C10orf105: variants seen among roughly 807,000 people sequenced by gnomAD.
The protein encoded by C10orf105 is uncharacterized protein C10orf105.
In C10orf105, 2 loss-of-function variants were observed where a neutral mutation model predicts 0.6. The ratio of observed to expected loss-of-function variants is 3.18; its 90% CI spans 1.30 to 10.01. C10orf105 has a LOEUF of 10.01. C10orf105 is among the 30% of genes most tolerant of loss of function. C10orf105 has a pLI of 0.04. For missense variants in C10orf105, 209 were observed against 191.4 expected (o/e 1.09, Z -0.54); for synonymous variants, 95 against 82.4 (o/e 1.15, Z -0.83).
chr10:71,728,700 C>T (rs765265292), intron 1 of C10orf105, among the ~76,000 whole-genome samples: 1 of 152,168 alleles, frequency 6.6e-6, no homozygotes, highest in African/African-American at 2.4e-5. Context: ...AAGTTCCTAC[C>T]GGCCCCAGCT....
At chr10:71,734,743 A>C (rs1589384822) in intron 1 of C10orf105, 1 of 877,922 alleles carries the variant, frequency 1.1e-6, no homozygotes, top group Non-Finnish European at 1.7e-6. Context: ...GGACCTTCCC[A>C]CCTCTCCCAG....
chr10:71,725,255 C>T lies in C10orf105; in HGVS notation c.-5-8913G>A, dbSNP rs559393485. ...TGTGAATTCTGTGTCCCAGAAGACC[C>T]GCAGCCTCCTCACAAGGAGGGGACT... On this transcript the variant is annotated intron_variant, in intron 1 of 1. Coordinates refer to the C10orf105 transcript ENST00000398786. The T allele has an allele frequency of 2.2e-4, 336 of 1,517,722 alleles. 1 individual carries two copies. The African/African-American group carries it at 2.8e-3, about 13-fold the overall frequency. The allele number at this position is 1,517,722 out of a possible 1,614,324, so 94.0% of individuals were successfully genotyped here.
chr10:71,736,796 T>C (rs1393394457), intron 1 of C10orf105, among the ~76,000 whole-genome samples: 1 of 152,170 alleles, frequency 6.6e-6, no homozygotes, highest in Non-Finnish European at 1.5e-5. Context: ...TTCCTAAGTG[T>C]ACGATACAGT....
At chr10:71,732,765 A>G in intron 1 of C10orf105, 1 of 1,041,696 alleles carries the variant, frequency 9.6e-7, no homozygotes, top group African/African-American at 1.6e-5. Flanking sequence ...TTTCACACCC[A>G]TCACAGATCC....
At chr10:71,737,155 G>A (rs1320914627) in intron 1 of C10orf105, among the ~76,000 whole-genome samples, 1 of 152,164 alleles carries the variant, frequency 6.6e-6, no homozygotes, top group East Asian at 1.9e-4. Flanking sequence ...GCGGACTGGG[G>A]CTCAGGGACC....
rs1050284083 is a variant in C10orf105, at chr10:71,715,905, G to A, written c.*31C>T. 6 of 1,444,466 alleles carry A rather than the reference G, an allele frequency of 4.2e-6. No individual in the cohort carries two copies. The African/African-American group carries it at 4.4e-5, about 10-fold the overall frequency. The allele number at this position is 1,444,466 out of a possible 1,614,324, so 89.5% of individuals were successfully genotyped here. On this transcript the variant is annotated 3_prime_UTR_variant, in exon 2 of 2. Transcript: ENST00000441508. The stretch of plus-strand genomic sequence containing the variant: ...AGGAGGATCTACAGGTAGACCTAGG[G>A]GGATGTGGGGGCATGTTTGTGGACA...
At chr10:71,731,896 C>G in intron 1 of C10orf105, 1 of 1,433,868 alleles carries the variant, frequency 7.0e-7, no homozygotes. Flanking sequence ...GGTGGGCCAC[C>G]CAGGGGGTAT....
intron 1 of C10orf105, chr10:71,725,486 A>G: frequency 1.2e-6 from 2 of 1,613,844 alleles, no homozygotes; most frequent in Non-Finnish European, 1.7e-6. Context: ...GAGGCCTACA[A>G]CCACGACCTG....
At chr10:71,735,609 A>G (rs1839541524) in intron 1 of C10orf105, among the ~76,000 whole-genome samples, 1 of 152,218 alleles carries the variant, frequency 6.6e-6, no homozygotes, top group African/African-American at 2.4e-5. Context: ...TTACAGCCAC[A>G]TTGCCACGCC....
intron 1 of C10orf105, among the ~76,000 whole-genome samples, chr10:71,731,607 C>T (rs1167361002): frequency 6.6e-5 from 10 of 152,194 alleles, no homozygotes; most frequent in African/African-American, 2.4e-5. Context: ...GCTTGGCCAT[C>T]TGTGAGGATG....
chr10:71,734,564 C>T lies in C10orf105; in HGVS notation c.-6+3164G>A, dbSNP rs376253669. 2.1e-4 allele frequency: 334 copies of T among 1,606,116 alleles called. 2 individuals are homozygous for T. In the African/African-American group the frequency reaches 3.8e-3, roughly 18 times the overall value. On this transcript the variant is annotated intron_variant, in intron 1 of 1. Transcript: ENST00000398786. ...AGGGTGGCACCTCCAGAGACACTGC[C>T]GGGAGTGGGGTCTGGAAGAGCCACA...
chr10:71,721,675 G>A (rs554930110), upstream of C10orf105, among the ~76,000 whole-genome samples: 15 of 152,212 alleles, frequency 9.9e-5, no homozygotes, highest in Admixed American at 2.0e-4. Context: ...CACACTTACC[G>A]CAGTGCCCGG....
At chr10:71,731,321 C>T (rs557486298) in intron 1 of C10orf105, among the ~76,000 whole-genome samples, 1 of 152,352 alleles carries the variant, frequency 6.6e-6, no homozygotes, top group Admixed American at 6.5e-5. Context: ...ACTCCTCTCT[C>T]AGCATCCTCA....
intron 1 of C10orf105, among the ~76,000 whole-genome samples, chr10:71,737,273 C>A (rs1261141364): frequency 6.6e-6 from 1 of 152,148 alleles, no homozygotes; most frequent in Non-Finnish European, 1.5e-5. Flanking sequence ...TAGGTGCCAC[C>A]CCTTCACTTT....
chr10:71,726,891 T>A (rs1475451485), intron 1 of C10orf105, among the ~76,000 whole-genome samples: 1 of 152,220 alleles, frequency 6.6e-6, no homozygotes, highest in Non-Finnish European at 1.5e-5. Flanking sequence ...GCATTGTGGC[T>A]GCAAACCTCC....
chr10:71,723,770 A>G (rs1866676431), upstream of C10orf105, among the ~76,000 whole-genome samples: 1 of 152,094 alleles, frequency 6.6e-6, no homozygotes, highest in South Asian at 2.1e-4. Flanking sequence ...GCCATCTTTC[A>G]CCTTCTCCCC....
At chr10:71,730,679 GA>G in intron 1 of C10orf105, 1 of 1,579,934 alleles carries the variant, frequency 6.3e-7, no homozygotes, top group Non-Finnish European at 8.6e-7. Flanking sequence ...CCCCTCCTTC[GA>G]AACGGTCATC....
At chr10:71,718,556 G>A (rs1039488027) in intron 1 of C10orf105, among the ~76,000 whole-genome samples, 2 of 152,248 alleles carry the variant, frequency 1.3e-5, no homozygotes, top group Admixed American at 1.3e-4. Context: ...GGGATGGGGT[G>A]TGCCCACCGC....
At chr10:71,725,255 C>A (rs559393485) in intron 1 of C10orf105, 1 of 1,517,718 alleles carries the variant, frequency 6.6e-7, no homozygotes, top group East Asian at 2.3e-5. Flanking sequence ...CCAGAAGACC[C>A]GCAGCCTCCT....
Sources: allele counts gnomAD v4.1 joint callset (sites outside exome capture counted in the v4.1 genomes callset), GRCh38; gene constraint gnomAD v4.1.1; transcripts MANE v1.5; gene names NCBI Gene and HGNC (gene_info 2026-07-23, HGNC 2026-07-21).